L3MBTL4: variants seen among roughly 807,000 people sequenced by gnomAD.
L3MBTL4 encodes L3MBTL histone methyl-lysine binding protein 4.
L3MBTL4 carries 70 observed loss-of-function variants against 84.5 expected under a neutral mutation model. The observed-to-expected ratio is 0.83, with a 90% CI of 0.68 to 1.01. L3MBTL4 has a LOEUF of 1.01. L3MBTL4 is among the 50% of genes least tolerant of loss of function. The pLI is 0.00. For synonymous variants in L3MBTL4, 274 were observed against 259.8 expected, an observed-to-expected ratio of 1.05 and a Z score of -0.52; for missense variants, 715 against 754.8, an observed-to-expected ratio of 0.95 and a Z score of 0.62.
chr18:6,026,815 T>C (rs955919864), intron 16 of L3MBTL4, among the ~76,000 whole-genome samples: 2 of 152,274 alleles, frequency 1.3e-5, no homozygotes, highest in East Asian at 3.9e-4. Context: ...GTTGAAAATA[T>C]CTAAGTAGAG....
intron 15 of L3MBTL4, chr18:6,081,152 C>G (rs565255421): frequency 4.7e-6 from 2 of 429,674 alleles, no homozygotes; most frequent in Non-Finnish European, 8.2e-6. Flanking sequence ...ACTTTGAACC[C>G]TGAAATTTAA....
At chr18:6,141,104 C>A (rs970600343) in intron 13 of L3MBTL4, among the ~76,000 whole-genome samples, 1 of 149,258 alleles carries the variant, frequency 6.7e-6, no homozygotes, top group Non-Finnish European at 1.5e-5. Flanking sequence ...TAAGTGCTTG[C>A]GGAATAAGTA....
intron 1 of L3MBTL4, among the ~76,000 whole-genome samples, chr18:6,342,192 T>C (rs138725223): frequency 2.0e-5 from 3 of 152,258 alleles, no homozygotes; most frequent in Non-Finnish European, 4.4e-5. Flanking sequence ...TATGAAAGTA[T>C]AAACCTCACT....
chr18:6,160,279 T>C (rs1028049255), intron 13 of L3MBTL4, among the ~76,000 whole-genome samples: 3 of 152,226 alleles, frequency 2.0e-5, no homozygotes, highest in Admixed American at 1.3e-4. Context: ...ACCTTTTGTG[T>C]TGCAAGTCAG....
intron 18 of L3MBTL4, among the ~76,000 whole-genome samples, chr18:5,957,074 G>T (rs1970645): frequency 6.6e-6 from 1 of 152,010 alleles, no homozygotes; most frequent in African/African-American, 2.4e-5. Context: ...ATCTTTGGAT[G>T]TAGAATAGTG....
At chr18:6,311,519 C>G (rs780894475) in intron 3 of L3MBTL4, 35 bp downstream of exon 3, 1 of 1,576,020 alleles carries the variant, frequency 6.3e-7, no homozygotes, top group South Asian at 1.1e-5. Flanking sequence ...AGCGATCACA[C>G]ACTGTGAGGA....
intron 14 of L3MBTL4, among the ~76,000 whole-genome samples, chr18:6,109,482 C>A (rs1000874654): frequency 5.9e-5 from 9 of 152,108 alleles, no homozygotes; most frequent in Non-Finnish European, 1.2e-4. Flanking sequence ...GACGTCCCTG[C>A]CCCTTTGCTG....
At chr18:6,072,814 C>CAA (rs2057711459) in intron 16 of L3MBTL4, among the ~76,000 whole-genome samples, 1 of 136,652 alleles carries the variant, frequency 7.3e-6, no homozygotes, top group East Asian at 2.1e-4. Flanking sequence ...CCAGATCGTG[C>CAA]CACTGCACTC....
chr18:6,139,781 G>T (rs1195207389), intron 13 of L3MBTL4, among the ~76,000 whole-genome samples: 1 of 152,140 alleles, frequency 6.6e-6, no homozygotes, highest in African/African-American at 2.4e-5. Context: ...CTCCAGAGAG[G>T]CAGGGAAGTC....
chr18:6,284,086 T>C (rs2049446529), intron 4 of L3MBTL4, among the ~76,000 whole-genome samples: 2 of 152,220 alleles, frequency 1.3e-5, no homozygotes, highest in African/African-American at 4.8e-5. Context: ...GTGAGTTAGA[T>C]GCTGTCTTAG....
intron 16 of L3MBTL4, among the ~76,000 whole-genome samples, chr18:6,073,292 T>C (rs1007565207): frequency 2.0e-5 from 3 of 151,984 alleles, no homozygotes; most frequent in African/African-American, 7.3e-5. Flanking sequence ...GAGGGTATTA[T>C]AAACAACTCA....
At chr18:5,982,787 G>A (rs1191571178) in intron 16 of L3MBTL4, among the ~76,000 whole-genome samples, 3 of 152,164 alleles carry the variant, frequency 2.0e-5, no homozygotes, top group Non-Finnish European at 4.4e-5. Context: ...GAGATGATAT[G>A]ATTTACCCTG....
At chr18:6,005,838 C>A (rs2054454906) in intron 16 of L3MBTL4, among the ~76,000 whole-genome samples, 2 of 152,074 alleles carry the variant, frequency 1.3e-5, no homozygotes, top group African/African-American at 4.8e-5. Context: ...ATTTATGTTC[C>A]TTTGGGTATG....
intron 16 of L3MBTL4, among the ~76,000 whole-genome samples, chr18:6,048,889 A>T (rs2056738124): frequency 6.6e-6 from 1 of 152,170 alleles, no homozygotes; most frequent in Non-Finnish European, 1.5e-5. Context: ...TGGGGAAAAG[A>T]CTTTATTCAG....
chr18:6,046,060 G>A (rs641009), intron 16 of L3MBTL4, among the ~76,000 whole-genome samples: 152,236 of 152,238 alleles, frequency 1, 76,117 homozygotes, highest in Non-Finnish European at 1. Context: ...ATGCAAGCAG[G>A]AAACAAAAAT....
At position 6,157,189 on chromosome 18, in the gene L3MBTL4, T is replaced by C. The variant is rs4405629; in HGVS notation, c.1096+14639A>G. The stretch of plus-strand genomic sequence containing the variant: ...AATTGTCTATTAAGTCAATGAGTAC[T>C]TAGGGACTCTTAAAACTGCTGATTA... On this transcript the variant is annotated intron_variant, in intron 13 of 18. Transcript: ENST00000317931. 3.1e-3 allele frequency among the ~76,000 whole-genome samples: 472 copies of C among 152,314 alleles called. 13 individuals are homozygous for C. The highest frequency in any genetic ancestry group is 0.029 in the Admixed American group (447 of 15,296).
At chr18:6,347,623 T>TA (rs1260052958) in intron 1 of L3MBTL4, among the ~76,000 whole-genome samples, 15 of 151,614 alleles carry the variant, frequency 9.9e-5, no homozygotes, top group African/African-American at 3.4e-4. Context: ...TCATAACTTT[T>TA]TAAAAAAAAA....
At chr18:6,084,412 T>C (rs2058188076) in intron 15 of L3MBTL4, among the ~76,000 whole-genome samples, 1 of 151,996 alleles carries the variant, frequency 6.6e-6, no homozygotes, top group South Asian at 2.1e-4. Flanking sequence ...ACCCTTGTTC[T>C]AGAAGTTAAA....
intron 1 of L3MBTL4, among the ~76,000 whole-genome samples, chr18:6,321,593 C>A (rs1368439772): frequency 1.3e-5 from 2 of 152,080 alleles, no homozygotes; most frequent in South Asian, 4.1e-4. Flanking sequence ...ATCAAAAAGA[C>A]ATATACATTG....
Sources: gnomAD v4.1 joint callset for allele counts (sites outside exome capture counted in the v4.1 genomes callset) on GRCh38, gnomAD v4.1.1 for gene constraint, MANE v1.5 for transcripts, NCBI Gene and HGNC (gene_info 2026-07-23, HGNC 2026-07-21) for gene names.